IL1RAPL1: variants seen among roughly 807,000 people sequenced by gnomAD.
The protein encoded by IL1RAPL1 is interleukin-1 receptor accessory protein-like 1.
IL1RAPL1 carries 3 observed loss-of-function variants against 48.4 expected under a neutral mutation model. The ratio of observed to expected loss-of-function variants is 0.06; its 90% CI spans 0.03 to 0.16. The LOEUF (loss-of-function observed/expected upper bound fraction) is 0.16. IL1RAPL1 is among the 10% of genes least tolerant of loss of function. IL1RAPL1 has a pLI of 1.00. For missense variants in IL1RAPL1, 349 were observed against 530.6 expected, an observed-to-expected ratio of 0.66 and a Z score of 3.36; for synonymous variants, 185 against 187.7, an observed-to-expected ratio of 0.99 and a Z score of 0.12.
At chrX:29,664,321 A>G (rs1925934100) in intron 5 of IL1RAPL1, among the ~76,000 whole-genome samples, 2 of 107,430 alleles carry the variant, frequency 1.9e-5, no homozygotes, top group South Asian at 8.4e-4. Flanking sequence ...GGAGAATGGC[A>G]TGAACCCAGG....
At chrX:29,144,268 T>C (rs1056956349) in intron 2 of IL1RAPL1, among the ~76,000 whole-genome samples, 3 of 110,696 alleles carry the variant, frequency 2.7e-5, no homozygotes, top group African/African-American at 6.6e-5. Flanking sequence ...ATTGAACTTA[T>C]TGTAATTATG....
At chrX:29,426,030 A>G (rs1258911037) in intron 5 of IL1RAPL1, among the ~76,000 whole-genome samples, 1 of 111,471 alleles carries the variant, frequency 9.0e-6, no homozygotes, top group Non-Finnish European at 1.9e-5. Flanking sequence ...TACTTCTATA[A>G]ATCACAGCTA....
At chrX:29,798,167 A>G (rs1447780862) in intron 6 of IL1RAPL1, among the ~76,000 whole-genome samples, 1 of 111,957 alleles carries the variant, frequency 8.9e-6, no homozygotes, top group Non-Finnish European at 1.9e-5. Context: ...AAAATTTATC[A>G]GGCCTGAGCC....
intron 5 of IL1RAPL1, among the ~76,000 whole-genome samples, chrX:29,592,203 A>G (rs1440573534): frequency 8.9e-6 from 1 of 111,909 alleles, no homozygotes; most frequent in East Asian, 2.8e-4. Context: ...CTTTCAAAAC[A>G]TATATTCAGC....
intron 2 of IL1RAPL1, among the ~76,000 whole-genome samples, chrX:28,895,769 C>G (rs1015617993): frequency 4.5e-5 from 5 of 111,110 alleles, no homozygotes; most frequent in African/African-American, 1.6e-4. Context: ...AAGAAGGGGA[C>G]GGACTTACCC....
intron 2 of IL1RAPL1, among the ~76,000 whole-genome samples, chrX:29,091,601 C>T (rs936529934): frequency 1.8e-5 from 2 of 111,332 alleles, no homozygotes; most frequent in African/African-American, 3.3e-5. Context: ...TTAAAAGATA[C>T]GTCCTATAAG....
chrX:28,717,937 T>A (rs959029935), intron 1 of IL1RAPL1, among the ~76,000 whole-genome samples: 4 of 111,818 alleles, frequency 3.6e-5, no homozygotes, highest in African/African-American at 1.3e-4. Context: ...AAGGCTGATC[T>A]TCTCTGAAAA....
At chrX:28,895,532 G>A (rs755754745) in intron 2 of IL1RAPL1, among the ~76,000 whole-genome samples, 2 of 110,224 alleles carry the variant, frequency 1.8e-5, no homozygotes, top group South Asian at 8.0e-4. Context: ...GCAATGAGGC[G>A]TGGCTGTAGT....
chrX:28,765,473 G>T (rs746988877), intron 1 of IL1RAPL1, among the ~76,000 whole-genome samples: 2 of 110,755 alleles, frequency 1.8e-5, no homozygotes, highest in South Asian at 3.8e-4. Context: ...ATAATTTAAT[G>T]ATCTTTATGA....
chrX:29,562,725 A>G (rs780284625), intron 5 of IL1RAPL1, among the ~76,000 whole-genome samples: 5 of 111,982 alleles, frequency 4.5e-5, no homozygotes, highest in African/African-American at 1.6e-4. Flanking sequence ...CTTTTTATAG[A>G]TATTCTATTT....
intron 5 of IL1RAPL1, among the ~76,000 whole-genome samples, chrX:29,608,684 G>GGCGT (rs1266151940): frequency 1.0e-5 from 1 of 99,909 alleles, no homozygotes; most frequent in Non-Finnish European, 2.0e-5. Flanking sequence ...AAATTAGCCG[G>GGCGT]GCGTGGTGGC....
chrX:28,615,287 A>T (rs1485184142), intron 1 of IL1RAPL1, among the ~76,000 whole-genome samples: 11 of 97,993 alleles, frequency 1.1e-4, no homozygotes, highest in African/African-American at 4.3e-4. Context: ...ATTAAGAGAG[A>T]TCACATATGT....
chrX:29,105,494 T>C (rs775814925), intron 2 of IL1RAPL1, among the ~76,000 whole-genome samples: 1 of 112,255 alleles, frequency 8.9e-6, no homozygotes, highest in East Asian at 2.8e-4. Flanking sequence ...TTTCTGCTGC[T>C]ACAGATAATC....
intron 2 of IL1RAPL1, among the ~76,000 whole-genome samples, chrX:29,224,284 G>A (rs190896029): frequency 9.9e-5 from 11 of 110,918 alleles, no homozygotes; most frequent in Admixed American, 2.9e-4. Flanking sequence ...AAGTCACTAG[G>A]TTTAAATTTT....
In IL1RAPL1 at chrX:29,578,523, C is replaced by T. The variant is rs1267918619; in HGVS notation, c.704-89907C>T. ...TACTAGAGTTCACTTGTCTTCTTTT[C>T]AGTAGGAAGTTGGCTTCCAATCTAG... On this transcript the variant is annotated intron_variant, in intron 5 of 10. Transcript: ENST00000378993. 8.0e-5 allele frequency among the ~76,000 whole-genome samples: 9 copies of T among 111,811 alleles called. No homozygotes were observed. In the South Asian group the frequency reaches 3.0e-3, roughly 37 times the overall value.
intron 3 of IL1RAPL1, among the ~76,000 whole-genome samples, chrX:29,293,692 T>G (rs1932404931): frequency 9.0e-6 from 1 of 111,455 alleles, no homozygotes; most frequent in Non-Finnish European, 1.9e-5. Flanking sequence ...AATTGGTAAT[T>G]ATAATGAGGG....
At chrX:29,532,679 G>A (rs905981222) in intron 5 of IL1RAPL1, among the ~76,000 whole-genome samples, 152 of 112,058 alleles carry the variant, frequency 1.4e-3, no homozygotes, top group Middle Eastern at 9.1e-3. Flanking sequence ...CAGCTGGGTC[G>A]ATCTCATAAA....
intron 5 of IL1RAPL1, among the ~76,000 whole-genome samples, chrX:29,535,235 A>T (rs1469808498): frequency 9.1e-6 from 1 of 110,297 alleles, no homozygotes; most frequent in Non-Finnish European, 1.9e-5. Flanking sequence ...AGATGAGCAA[A>T]CTTCCCCCAG....
chrX:28,806,312 G>A (rs925048985), intron 2 of IL1RAPL1, among the ~76,000 whole-genome samples: 2 of 111,921 alleles, frequency 1.8e-5, no homozygotes, highest in African/African-American at 6.5e-5. Flanking sequence ...ACTGGAAAGT[G>A]AATCTTGAGA....
Sources: allele counts gnomAD v4.1 joint callset (sites outside exome capture counted in the v4.1 genomes callset), GRCh38; gene constraint gnomAD v4.1.1; transcripts MANE v1.5; gene names NCBI Gene and HGNC (gene_info 2026-07-23, HGNC 2026-07-21).